The following LY75 variants were observed in gnomAD, a reference collection of about 807,000 sequenced individuals.
LY75 encodes C-type lectin domain family 13 member B.
Under a neutral mutation model 231.7 loss-of-function variants are expected in LY75, and 185 were observed. The ratio of observed to expected loss-of-function variants is 0.80; its 90% CI spans 0.71 to 0.90. The LOEUF is 0.90. Ranked by LOEUF, LY75 falls within the 40% of genes least tolerant of loss-of-function variation. LY75 has a pLI of 0.00. For synonymous variants in LY75, 668 were observed against 689.0 expected (o/e 0.97, Z 0.48); for missense variants, 1,947 against 2,050.2 (o/e 0.95, Z 0.97).
At chr2:159,879,394 G>A in intron 8 of LY75, 25 bp from the exon 9 acceptor site, 27 of 1,611,108 alleles carry the variant, frequency 1.7e-5, no homozygotes, top group Non-Finnish European at 2.1e-5. Flanking sequence ...AAAAACATTT[G>A]CTTGGAAAGG....
At chr2:159,869,733 A>G (rs1170820124) in intron 13 of LY75, among the ~76,000 whole-genome samples, 1 of 152,198 alleles carries the variant, frequency 6.6e-6, no homozygotes, top group Non-Finnish European at 1.5e-5. Flanking sequence ...GTGATAGTTA[A>G]AACACCAAAA....
intron 13 of LY75, among the ~76,000 whole-genome samples, chr2:159,870,352 G>A (rs1684974292): frequency 6.6e-6 from 1 of 152,124 alleles, no homozygotes; most frequent in Non-Finnish European, 1.5e-5. Flanking sequence ...TTGGGAGGCT[G>A]AAGTGGGGGG....
intron 8 of LY75, among the ~76,000 whole-genome samples, 156 bp downstream of exon 8, chr2:159,880,927 T>G (rs1345243730): frequency 6.6e-6 from 1 of 152,204 alleles, no homozygotes; most frequent in Non-Finnish European, 1.5e-5. Context: ...GCGGCCCAAT[T>G]CTTAACAGGT....
chr2:159,842,451 T>C, intron 23 of LY75, 77 bp from the exon 24 acceptor site: 3 of 1,452,350 alleles, frequency 2.1e-6, no homozygotes, highest in Non-Finnish European at 2.7e-6. Context: ...GTTTAGATTC[T>C]AGATTGAATT....
chr2:159,853,804 C>A (rs779714450), intron 18 of LY75, 107 bp from the exon 19 acceptor site: 1 of 1,452,178 alleles, frequency 6.9e-7, no homozygotes. Context: ...AATTTCCAGA[C>A]ATTCCTTACT....
rs116053018 is a variant in LY75 at position 159,820,525 on chromosome 2, T to A, written c.3959-605A>T. On this transcript the variant is annotated intron_variant, in intron 28 of 34. Transcript: ENST00000263636. ...AAATGATACAATAGACTCTGGGAAC[T>A]CGGGGGGAAGAGTGGGAGGGGATGA... Among the ~76,000 whole-genome samples the A allele has an allele frequency of 3.3e-3, 501 of 152,088 alleles. 5 individuals are homozygous for A. The highest frequency in any genetic ancestry group is 0.011 in the African/African-American group (467 of 41,492).
At chr2:159,883,077 A>G (rs1048441876) in intron 6 of LY75, among the ~76,000 whole-genome samples, 2 of 138,946 alleles carry the variant, frequency 1.4e-5, no homozygotes, top group Admixed American at 8.5e-5. Context: ...ATTTAGAACC[A>G]TTTGGAATAT....
At chr2:159,831,200 T>C (rs549079069) in intron 28 of LY75, among the ~76,000 whole-genome samples, 1 of 152,302 alleles carries the variant, frequency 6.6e-6, no homozygotes, top group Admixed American at 6.5e-5. Flanking sequence ...CTTGCTGTTC[T>C]CGTGATAGTG....
At chr2:159,819,259 T>C (rs1683213547) in intron 29 of LY75, among the ~76,000 whole-genome samples, 1 of 152,196 alleles carries the variant, frequency 6.6e-6, no homozygotes. Flanking sequence ...TATTTAAAAA[T>C]AGATTTATTT....
At chr2:159,831,580 A>C in intron 28 of LY75, 90 bp downstream of exon 28, 2 of 1,361,944 alleles carry the variant, frequency 1.5e-6, no homozygotes, top group Non-Finnish European at 2.1e-6. Flanking sequence ...ACGTATTGAT[A>C]GACATGTACT....
chr2:159,855,054 T>C (rs1293769428), intron 16 of LY75, 115 bp from the exon 17 acceptor site: 6 of 1,327,682 alleles, frequency 4.5e-6, no homozygotes, highest in Non-Finnish European at 5.2e-6. Context: ...GTCTTGTCCA[T>C]TTCTGGCCAA....
At chr2:159,846,818 G>C (rs955640963) in intron 23 of LY75, among the ~76,000 whole-genome samples, 31 of 151,920 alleles carry the variant, frequency 2.0e-4, no homozygotes, top group African/African-American at 6.5e-4. Context: ...ATACATGAAG[G>C]GTTTGATAGA....
chr2:159,881,358 A>G, intron 7 of LY75, 118 bp from the exon 8 acceptor site: 1 of 1,150,302 alleles, frequency 8.7e-7, no homozygotes, highest in Non-Finnish European at 1.2e-6. Context: ...TAGTATTCTT[A>G]ATTCGGTTAT....
intron 14 of LY75, among the ~76,000 whole-genome samples, chr2:159,862,291 C>CAAAAA (rs71000315): frequency 8.1e-6 from 1 of 123,380 alleles, no homozygotes; most frequent in African/African-American, 3.2e-5. Flanking sequence ...GACTACGTCT[C>CAAAAA]AAAAAAAAAA....
At chr2:159,891,608 G>A (rs1318717737) in intron 3 of LY75, among the ~76,000 whole-genome samples, 1 of 152,084 alleles carries the variant, frequency 6.6e-6, no homozygotes, top group African/African-American at 2.4e-5. Flanking sequence ...GCATATGCAT[G>A]CATTAACACC....
intron 11 of LY75, among the ~76,000 whole-genome samples, chr2:159,877,726 G>A (rs1337042820): frequency 1.3e-5 from 2 of 151,792 alleles, no homozygotes; most frequent in African/African-American, 4.8e-5. Flanking sequence ...AAAAGTAGCT[G>A]GGCATGTTGG....
At chr2:159,901,407 C>T (rs985825641) in intron 1 of LY75, among the ~76,000 whole-genome samples, 11 of 152,290 alleles carry the variant, frequency 7.2e-5, no homozygotes, top group Admixed American at 4.6e-4. Flanking sequence ...CTGCAGGAGA[C>T]GTGCCCATCA....
chr2:159,853,498 G>A (rs1346093117), intron 19 of LY75, 132 bp downstream of exon 19: 75 of 1,481,054 alleles, frequency 5.1e-5, no homozygotes, highest in Non-Finnish European at 6.4e-5. Flanking sequence ...ATGCAAAAGG[G>A]CTTGGTTTCT....
Position 159,804,113 on chromosome 2 carries a change from A to G in LY75, c.*931T>C, listed in dbSNP as rs940767455. 2.6e-5 allele frequency: 4 copies of G among 152,260 alleles called. No homozygotes were observed. The highest frequency in any genetic ancestry group is 9.6e-5 in the African/African-American group (4 of 41,472). 9.4% of individuals were successfully genotyped at this position (152,260 alleles called of 1,614,324 possible). On this transcript the variant is annotated 3_prime_UTR_variant, in exon 35 of 35. Coordinates refer to ENST00000263636, the MANE Select transcript of LY75 (RefSeq NM_002349.4). ...ATCTTTAAAAGTCATTGTTTTATAA[A>G]CAATTATAAACAGAAAAAAACTCTT...
Sources: gnomAD v4.1 joint callset for allele counts (sites outside exome capture counted in the v4.1 genomes callset) on GRCh38, gnomAD v4.1.1 for gene constraint, MANE v1.5 for transcripts, NCBI Gene and HGNC (gene_info 2026-07-23, HGNC 2026-07-21) for gene names.